SPIDR: variants seen among roughly 807,000 people sequenced by gnomAD.
The protein encoded by SPIDR is DNA repair-scaffolding protein.
In SPIDR, 93 loss-of-function variants were observed where a neutral mutation model predicts 104.6. The observed-to-expected ratio is 0.89, with a 90% CI of 0.75 to 1.06. SPIDR has a LOEUF of 1.06. Among genes scored for constraint, SPIDR ranks in the 50% least tolerant of loss-of-function variants. SPIDR has a pLI of 0.00. For synonymous variants in SPIDR, 431 were observed against 416.9 expected, an observed-to-expected ratio of 1.03 and a Z score of -0.41; for missense variants, 1,154 against 1,111.2, an observed-to-expected ratio of 1.04 and a Z score of -0.55.
chr8:47,616,704 G>C (rs2064360961), intron 10 of SPIDR, among the ~76,000 whole-genome samples: 1 of 152,180 alleles, frequency 6.6e-6, no homozygotes, highest in African/African-American at 2.4e-5. Flanking sequence ...AGATAATACA[G>C]AGCATTCCCA....
intron 6 of SPIDR, among the ~76,000 whole-genome samples, chr8:47,405,101 G>A (rs528495532): frequency 6.6e-6 from 1 of 152,134 alleles, no homozygotes; most frequent in East Asian, 1.9e-4. Context: ...AACTGTCGCA[G>A]GGAAGGAGAA....
At chr8:47,456,199 G>A (rs1294227161) in intron 8 of SPIDR, among the ~76,000 whole-genome samples, 1 of 152,110 alleles carries the variant, frequency 6.6e-6, no homozygotes, top group African/African-American at 2.4e-5. Flanking sequence ...CCTTTAAAGA[G>A]GTAATTAAGG....
At chr8:47,524,457 T>C (rs1335253300) in intron 8 of SPIDR, among the ~76,000 whole-genome samples, 1 of 152,186 alleles carries the variant, frequency 6.6e-6, no homozygotes, top group Non-Finnish European at 1.5e-5. Context: ...GTCGCAGCAC[T>C]ATTTTGGTAG....
chr8:47,382,157 A>G (rs2059397271), intron 5 of SPIDR, among the ~76,000 whole-genome samples: 1 of 152,190 alleles, frequency 6.6e-6, no homozygotes, highest in Non-Finnish European at 1.5e-5. Context: ...TCCTGACTTG[A>G]TAGCAGACAC....
At chr8:47,584,918 T>G (rs982362137) in intron 8 of SPIDR, among the ~76,000 whole-genome samples, 3 of 152,148 alleles carry the variant, frequency 2.0e-5, no homozygotes, top group African/African-American at 7.2e-5. Context: ...TTCTCACAAC[T>G]TTTTTCCTTA....
At chr8:47,575,798 G>A (rs560487770) in intron 8 of SPIDR, among the ~76,000 whole-genome samples, 3 of 150,864 alleles carry the variant, frequency 2.0e-5, no homozygotes, top group Non-Finnish European at 4.4e-5. Context: ...CGTCTCTACT[G>A]AAAATACAAA....
chr8:47,542,095 T>C (rs907691617), intron 8 of SPIDR, among the ~76,000 whole-genome samples: 1 of 151,840 alleles, frequency 6.6e-6, no homozygotes, highest in Non-Finnish European at 1.5e-5. Context: ...GTCTACAAAG[T>C]CTCAAGAAGA....
At chr8:47,309,428 AAGTG>A (rs2043718395) in intron 5 of SPIDR, among the ~76,000 whole-genome samples, 1 of 152,200 alleles carries the variant, frequency 6.6e-6, no homozygotes, top group South Asian at 2.1e-4. Context: ...CTCTTTATGA[AAGTG>A]AGTAACTGTA....
At chr8:47,597,234 A>G (rs906830144) in intron 9 of SPIDR, among the ~76,000 whole-genome samples, 4 of 151,760 alleles carry the variant, frequency 2.6e-5, no homozygotes, top group African/African-American at 9.7e-5. Context: ...TTTTTTTTAT[A>G]CTTTAAGTTT....
chr8:47,677,245 G>A (rs547052010), intron 11 of SPIDR, among the ~76,000 whole-genome samples: 65 of 152,296 alleles, frequency 4.3e-4, no homozygotes, highest in African/African-American at 1.5e-3. Flanking sequence ...GAGAAGTCAC[G>A]TGGCTTTGGT....
chr8:47,562,199 C>T (rs2057171104), intron 8 of SPIDR, among the ~76,000 whole-genome samples: 1 of 152,214 alleles, frequency 6.6e-6, no homozygotes, highest in Admixed American at 6.5e-5. Flanking sequence ...ATGTAGATTT[C>T]CCCATTCCTT....
chr8:47,570,916 C>T (rs1485913775), intron 8 of SPIDR, among the ~76,000 whole-genome samples: 2 of 152,052 alleles, frequency 1.3e-5, no homozygotes, highest in Non-Finnish European at 2.9e-5. Context: ...TATGGTGAAA[C>T]CCCGTCTCTA....
chr8:47,696,264 G>T (rs2079317341), intron 11 of SPIDR, among the ~76,000 whole-genome samples: 1 of 152,126 alleles, frequency 6.6e-6, no homozygotes, highest in Admixed American at 6.5e-5. Flanking sequence ...TTTGTGATTT[G>T]TTTTCTACTT....
At chr8:47,293,439 T>G (rs2040293678) in intron 4 of SPIDR, among the ~76,000 whole-genome samples, 1 of 152,116 alleles carries the variant, frequency 6.6e-6, no homozygotes, top group African/African-American at 2.4e-5. Context: ...AGTAGAAATA[T>G]ACTTTTCACT....
chr8:47,598,618 A>G (rs1321421398), intron 9 of SPIDR, among the ~76,000 whole-genome samples: 1 of 152,186 alleles, frequency 6.6e-6, no homozygotes, highest in Admixed American at 6.5e-5. Flanking sequence ...TCTTACCTCA[A>G]AAGAGAAAAA....
intron 5 of SPIDR, among the ~76,000 whole-genome samples, chr8:47,317,076 A>G (rs922222764): frequency 3.3e-5 from 5 of 152,166 alleles, no homozygotes; most frequent in African/African-American, 4.8e-5. Flanking sequence ...TACTGGGTTC[A>G]TCTCACTGGG....
At chr8:47,531,553 TTG>T (rs747485445) in intron 8 of SPIDR, among the ~76,000 whole-genome samples, 15 of 152,244 alleles carry the variant, frequency 9.9e-5, no homozygotes, top group Non-Finnish European at 2.2e-4. Context: ...GTACTGGGGT[TTG>T]TGTTTTCAGA....
At chr8:47,605,626 C>T (rs2062841005) in intron 10 of SPIDR, among the ~76,000 whole-genome samples, 1 of 152,062 alleles carries the variant, frequency 6.6e-6, no homozygotes, top group Non-Finnish European at 1.5e-5. Flanking sequence ...TCACTGGTGA[C>T]AGGACATTTA....
intron 8 of SPIDR, among the ~76,000 whole-genome samples, chr8:47,469,775 T>TCATTACC (rs1397776540): frequency 6.6e-6 from 1 of 152,114 alleles, no homozygotes; most frequent in Non-Finnish European, 1.5e-5. Context: ...AGTACTAGGC[T>TCATTACC]TAATACCTGG....
Sources: allele counts gnomAD v4.1 joint callset (sites outside exome capture counted in the v4.1 genomes callset), GRCh38; gene constraint gnomAD v4.1.1; transcripts MANE v1.5; gene names NCBI Gene and HGNC (gene_info 2026-07-23, HGNC 2026-07-21).